Variants in TMEM132D observed in about 807,000 individuals in gnomAD.
The protein encoded by TMEM132D is transmembrane protein 132D.
A neutral mutation model predicts 62.3 loss-of-function variants in TMEM132D; 21 were observed. The observed-to-expected ratio is 0.34, with a 90% CI of 0.24 to 0.49. The LOEUF (loss-of-function observed/expected upper bound fraction) is 0.49. Ranked by LOEUF, TMEM132D falls within the 20% of genes least tolerant of loss-of-function variation. TMEM132D has a pLI of 0.99. For missense variants in TMEM132D, 1,346 were observed against 1,402.8 expected (o/e 0.96, Z 0.65); for synonymous variants, 621 against 575.6 (o/e 1.08, Z -1.13).
At chr12:129,409,051 G>A (rs1871885391) in intron 3 of TMEM132D, among the ~76,000 whole-genome samples, 1 of 151,990 alleles carries the variant, frequency 6.6e-6, no homozygotes, top group South Asian at 2.1e-4. Flanking sequence ...TTTTGCCTCA[G>A]CCCCCCAAGT....
intron 4 of TMEM132D, among the ~76,000 whole-genome samples, chr12:129,235,458 A>T (rs1234167438): frequency 6.6e-6 from 1 of 151,962 alleles, no homozygotes; most frequent in Non-Finnish European, 1.5e-5. Flanking sequence ...TGTGTAATCA[A>T]ATATTATATA....
chr12:129,717,521 T>C (rs2137241143), intron 1 of TMEM132D, among the ~76,000 whole-genome samples: 1 of 149,574 alleles, frequency 6.7e-6, no homozygotes, highest in Admixed American at 6.7e-5. Flanking sequence ...ATAATATATT[T>C]AATAAAATCA....
chr12:129,427,621 C>T (rs772303235), intron 3 of TMEM132D, among the ~76,000 whole-genome samples: 9 of 152,090 alleles, frequency 5.9e-5, no homozygotes, highest in Non-Finnish European at 7.4e-5. Flanking sequence ...CCTAGTCATT[C>T]GGATGCACTA....
rs1235943300 is a variant in TMEM132D, at chr12:129,803,094, A to G, written c.79+100167T>C. Among the ~76,000 whole-genome samples the G allele has an allele frequency of 4.1e-4, 62 of 151,498 alleles. No individual in the cohort carries two copies. The South Asian group carries it at 0.012, about 28-fold the overall frequency. ...GACTCCCACACATTAATAATGGGAG[A>G]CTTTAACACCCCACTGTCAACATTA... On this transcript the variant is annotated intron_variant, in intron 1 of 8. Coordinates refer to ENST00000422113, the MANE Select transcript of TMEM132D (RefSeq NM_133448.3).
Position 129,502,251 on chromosome 12 carries a change from G to A in TMEM132D, c.1115+28808C>T, listed in dbSNP as rs562932571. On this transcript the variant is annotated intron_variant, in intron 3 of 8. Coordinates refer to ENST00000422113, the MANE Select transcript of TMEM132D (RefSeq NM_133448.3). ...CCTGACCTCGTGATCCACCCGCCTC[G>A]GCCTCCCAAAGTGCTGGGATTACAA... Among the ~76,000 whole-genome samples the A allele has an allele frequency of 1.2e-4, 19 of 152,092 alleles. No individual in the cohort carries two copies. In the South Asian group the frequency reaches 2.9e-3, roughly 23 times the overall value.
At chr12:129,338,045 A>G (rs1379812552) in intron 3 of TMEM132D, among the ~76,000 whole-genome samples, 3 of 152,248 alleles carry the variant, frequency 2.0e-5, no homozygotes, top group African/African-American at 7.2e-5. Context: ...CAGGTTCCAA[A>G]GTCCTTCTGT....
At chr12:129,151,672 C>T (rs1406842511) in intron 5 of TMEM132D, among the ~76,000 whole-genome samples, 1 of 152,198 alleles carries the variant, frequency 6.6e-6, no homozygotes, top group African/African-American at 2.4e-5. Context: ...CTTCTTCAGA[C>T]TCTTTCTTGG....
chr12:129,326,073 C>A (rs3861079), intron 4 of TMEM132D, among the ~76,000 whole-genome samples: 1 of 152,154 alleles, frequency 6.6e-6, no homozygotes, highest in Admixed American at 6.5e-5. Context: ...TCGGGGCTGA[C>A]CTATCAAACC....
intron 2 of TMEM132D, among the ~76,000 whole-genome samples, chr12:129,694,338 T>C (rs1881144046): frequency 6.6e-6 from 1 of 152,062 alleles, no homozygotes; most frequent in South Asian, 2.1e-4. Context: ...AGGACATTCC[T>C]CAAAACAGCT....
intron 4 of TMEM132D, among the ~76,000 whole-genome samples, chr12:129,333,040 A>T (rs1458636258): frequency 6.6e-6 from 1 of 152,198 alleles, no homozygotes; most frequent in Non-Finnish European, 1.5e-5. Context: ...ATAAAAAAAG[A>T]TTTATAACAA....
intron 5 of TMEM132D, among the ~76,000 whole-genome samples, chr12:129,151,527 C>G (rs1333537050): frequency 1.3e-5 from 2 of 152,206 alleles, no homozygotes; most frequent in Admixed American, 6.5e-5. Flanking sequence ...GCGACGCTCA[C>G]CACACCCAGG....
chr12:129,746,778 A>G (rs1273049118), intron 1 of TMEM132D, among the ~76,000 whole-genome samples: 1 of 151,456 alleles, frequency 6.6e-6, no homozygotes, highest in Non-Finnish European at 1.5e-5. Context: ...TTTTCTCTGC[A>G]CTCCTGCCGT....
At chr12:129,354,999 A>G (rs997442) in intron 3 of TMEM132D, among the ~76,000 whole-genome samples, 3 of 152,092 alleles carry the variant, frequency 2.0e-5, no homozygotes, top group Non-Finnish European at 2.9e-5. Context: ...GAATGCTTCA[A>G]ATAAATTCTG....
At chr12:129,539,891 G>T (rs1489955560) in intron 2 of TMEM132D, among the ~76,000 whole-genome samples, 2 of 152,156 alleles carry the variant, frequency 1.3e-5, no homozygotes, top group Non-Finnish European at 2.9e-5. Context: ...ACTCAGGGGA[G>T]CCCAGCGGGG....
At chr12:129,169,219 T>C (rs1877647491) in intron 5 of TMEM132D, among the ~76,000 whole-genome samples, 1 of 152,018 alleles carries the variant, frequency 6.6e-6, no homozygotes, top group South Asian at 2.1e-4. Context: ...CAGGTGATGC[T>C]GATGCAGCTG....
intron 4 of TMEM132D, among the ~76,000 whole-genome samples, chr12:129,237,975 G>T (rs1879830314): frequency 6.6e-6 from 1 of 152,182 alleles, no homozygotes; most frequent in Non-Finnish European, 1.5e-5. Context: ...CAAGGTGATT[G>T]CTAGGCTCTC....
intron 4 of TMEM132D, chr12:129,212,261 G>A (rs1380237030): frequency 3.3e-5 from 5 of 152,212 alleles, no homozygotes; most frequent in Admixed American, 6.5e-5. Flanking sequence ...TGTCTGGGGT[G>A]TTGCCTTTTT....
chr12:129,487,853 C>T (rs1337141994), intron 3 of TMEM132D, among the ~76,000 whole-genome samples: 2 of 139,110 alleles, frequency 1.4e-5, no homozygotes, highest in Non-Finnish European at 3.0e-5. Flanking sequence ...AGGAGAATGG[C>T]GTGAACCCGG....
intron 4 of TMEM132D, among the ~76,000 whole-genome samples, chr12:129,236,790 C>A (rs1879798451): frequency 6.6e-6 from 1 of 151,954 alleles, no homozygotes; most frequent in Non-Finnish European, 1.5e-5. Context: ...GAGTGGGCAT[C>A]CTTGTCTTGT....
Sources: allele counts gnomAD v4.1 joint callset (sites outside exome capture counted in the v4.1 genomes callset), GRCh38; gene constraint gnomAD v4.1.1; transcripts MANE v1.5; gene names NCBI Gene and HGNC (gene_info 2026-07-23, HGNC 2026-07-21).